Variants in DOCK4 observed in about 807,000 individuals in gnomAD.
DOCK4 encodes dedicator of cytokinesis 4, also known as dedicator of cytokinesis protein 4.
A neutral mutation model predicts 268.1 loss-of-function variants in DOCK4; 97 were observed. The observed-to-expected ratio is 0.36, with a 90% CI of 0.31 to 0.43. The LOEUF (loss-of-function observed/expected upper bound fraction) is 0.43, where lower values mean the gene tolerates loss of function less well. Among genes scored for constraint, DOCK4 ranks in the 20% least tolerant of loss-of-function variants. The pLI, the probability that DOCK4 is intolerant of heterozygous loss-of-function variation, is 1.00. For synonymous variants in DOCK4, 954 were observed against 887.2 expected, an observed-to-expected ratio of 1.08 and a Z score of -1.34; for missense variants, 2,145 against 2,455.7, an observed-to-expected ratio of 0.87 and a Z score of 2.67.
intron 31 of DOCK4, 56 bp from the exon 32 acceptor site, chr7:111,788,803 G>A (rs1799346265): frequency 7.0e-7 from 1 of 1,437,650 alleles, no homozygotes; most frequent in Non-Finnish European, 9.6e-7. Context: ...AGGATTTCTA[G>A]GCAAGTTAAA....
chr7:111,831,776 A>G (rs1411986755), intron 26 of DOCK4, among the ~76,000 whole-genome samples: 1 of 152,138 alleles, frequency 6.6e-6, no homozygotes, highest in Non-Finnish European at 1.5e-5. Context: ...GGCATGAGGT[A>G]CCGTGTCTGG....
chr7:111,877,228 A>G (rs764707344), intron 16 of DOCK4, 42 bp from the exon 17 acceptor site: 2 of 1,319,638 alleles, frequency 1.5e-6, no homozygotes, highest in Non-Finnish European at 2.0e-6. Context: ...AGGGGAAGAG[A>G]TCTCATAAGA....
chr7:112,158,691 C>A (rs953904719), intron 1 of DOCK4, among the ~76,000 whole-genome samples: 1 of 152,136 alleles, frequency 6.6e-6, no homozygotes, highest in Non-Finnish European at 1.5e-5. Flanking sequence ...GAAACTATCA[C>A]TTTTAATATA....
chr7:111,774,172 T>G (rs7793316), intron 36 of DOCK4, among the ~76,000 whole-genome samples: 8,256 of 152,156 alleles, frequency 0.054, 705 homozygotes, highest in African/African-American at 0.18. Context: ...GGTACTTTAA[T>G]AGAAATCTGG....
intron 49 of DOCK4, 76 bp downstream of exon 49, chr7:111,739,058 G>A (rs1235512527): frequency 7.1e-6 from 9 of 1,268,642 alleles, no homozygotes; most frequent in Middle Eastern, 2.5e-4. Flanking sequence ...GGCAGCTACC[G>A]CGTGTTTCTG....
rs1562827661 is a variant in DOCK4, at chr7:111,871,977, T to C, written c.2027+13A>G. On this transcript the variant is annotated intron_variant, in intron 20 of 52. Coordinates refer to ENST00000428084, the MANE Select transcript of DOCK4 (RefSeq NM_001363540.2). Reference sequence around the variant, plus strand: ...AACCACTTCTAAACTAATTACAAGATACAGGGCCTTACCTGTATGCAAGTG... The same window carrying C: ...AACCACTTCTAAACTAATTACAAGACACAGGGCCTTACCTGTATGCAAGTG... 1 of 1,536,066 alleles carries C rather than the reference T, an allele frequency of 6.5e-7. No individual in the cohort carries two copies. Among genetic ancestry groups the C allele is most frequent in the Non-Finnish European group, 8.8e-7 (1 of 1,139,728 alleles).
rs981896142 is a variant in DOCK4 at position 111,831,495 on chromosome 7, T to TA, written c.2835+3092_2835+3093insT. Among the ~76,000 whole-genome samples the TA allele has an allele frequency of 2.0e-5, 3 of 151,874 alleles. No individual in the cohort carries two copies. In the East Asian group the frequency reaches 5.8e-4, roughly 29 times the overall value. On this transcript the variant is annotated intron_variant, in intron 26 of 52. Coordinates refer to ENST00000428084, the MANE Select transcript of DOCK4 (RefSeq NM_001363540.2). Reference sequence around the variant, plus strand: ...TTTCTTTTCTTTCCTTTTTCTTTTTTTTTTTTAGAGACAGGGTCTCCCTCT... The same window carrying TA: ...TTTCTTTTCTTTCCTTTTTCTTTTTTATTTTTTAGAGACAGGGTCTCCCTCT...
chr7:112,195,846 T>C (rs1210329473), intron 1 of DOCK4, among the ~76,000 whole-genome samples: 1 of 152,122 alleles, frequency 6.6e-6, no homozygotes, highest in Admixed American at 6.5e-5. Flanking sequence ...GGGAGATAAG[T>C]TGTTAGCAAA....
chr7:111,736,991 T>C lies in DOCK4; in HGVS notation c.5233-2A>G. On this transcript the variant is annotated splice_acceptor_variant, in intron 49 of 52. Transcript: ENST00000428084. LOFTEE classifies it high-confidence loss of function. Reference sequence around the variant, plus strand: ...TCCAATATGATTAAACAGCATCCTCTGCAAAGTTACAAGGGTTGATTTTTA... The same window carrying C: ...TCCAATATGATTAAACAGCATCCTCCGCAAAGTTACAAGGGTTGATTTTTA... The C allele has an allele frequency of 6.2e-7, 1 of 1,601,604 alleles. No homozygotes were observed. The highest frequency in any genetic ancestry group is 8.5e-7 in the Non-Finnish European group (1 of 1,173,768).
At chr7:112,113,734 A>ATTTTTTTTTTTTTTTTTTTTTTTTTTT (rs57672966) in intron 1 of DOCK4, among the ~76,000 whole-genome samples, 1 of 49,546 alleles carries the variant, frequency 2.0e-5, no homozygotes, top group Non-Finnish European at 3.7e-5. Flanking sequence ...TACTTGGCTG[A>ATTTTTTTTTTTTTTTTTTTTTTTTTTT]TTTTTTTTTT....
chr7:112,165,179 G>A (rs1817480543), intron 1 of DOCK4, among the ~76,000 whole-genome samples: 1 of 151,882 alleles, frequency 6.6e-6, no homozygotes, highest in South Asian at 2.1e-4. Flanking sequence ...GGGTATTTAG[G>A]GTGCCCGTCA....
At chr7:112,023,157 G>A (rs1802481942) in intron 1 of DOCK4, among the ~76,000 whole-genome samples, 2 of 152,112 alleles carry the variant, frequency 1.3e-5, no homozygotes, top group South Asian at 4.1e-4. Context: ...TTGAACTCCT[G>A]ACCCACATGA....
chr7:111,954,427 G>A (rs1287058558), intron 8 of DOCK4, among the ~76,000 whole-genome samples: 1 of 152,090 alleles, frequency 6.6e-6, no homozygotes, highest in Admixed American at 6.5e-5. Flanking sequence ...CTATGTACAG[G>A]GAATGATCAG....
At chr7:112,058,441 C>T (rs1806047568) in intron 1 of DOCK4, among the ~76,000 whole-genome samples, 1 of 152,130 alleles carries the variant, frequency 6.6e-6, no homozygotes, top group Admixed American at 6.5e-5. Context: ...TGTGACCTTT[C>T]ATCTAAACCA....
intron 37 of DOCK4, among the ~76,000 whole-genome samples, 179 bp downstream of exon 37, chr7:111,769,350 T>C (rs1045393260): frequency 3.9e-5 from 6 of 152,160 alleles, no homozygotes; most frequent in Admixed American, 3.3e-4. Context: ...TGAATCAGAA[T>C]GGCTAGGAGT....
chr7:112,082,288 T>C (rs1808663560), intron 1 of DOCK4, among the ~76,000 whole-genome samples: 1 of 152,180 alleles, frequency 6.6e-6, no homozygotes, highest in Non-Finnish European at 1.5e-5. Context: ...CATACATTAT[T>C]GTAATGTCAG....
At chr7:111,953,231 G>A (rs970108763) in intron 8 of DOCK4, among the ~76,000 whole-genome samples, 4 of 151,502 alleles carry the variant, frequency 2.6e-5, no homozygotes, top group Non-Finnish European at 2.9e-5. Flanking sequence ...AATTAACTAC[G>A]CTGTTTGAAG....
At chr7:111,887,103 G>A (rs559714593) in intron 16 of DOCK4, among the ~76,000 whole-genome samples, 1 of 152,234 alleles carries the variant, frequency 6.6e-6, no homozygotes, top group Admixed American at 6.5e-5. Flanking sequence ...AAATTCCTTG[G>A]ATTAAAGTAT....
intron 11 of DOCK4, among the ~76,000 whole-genome samples, chr7:111,937,524 T>A (rs919275310): frequency 6.6e-6 from 1 of 152,238 alleles, no homozygotes; most frequent in Non-Finnish European, 1.5e-5. Flanking sequence ...GCATAGGTCT[T>A]ATTCCGCTGG....
Sources: gnomAD v4.1 joint callset for allele counts (sites outside exome capture counted in the v4.1 genomes callset) on GRCh38, gnomAD v4.1.1 for gene constraint, MANE v1.5 for transcripts, NCBI Gene and HGNC (gene_info 2026-07-23, HGNC 2026-07-21) for gene names.